The following SEMA5A variants were observed in gnomAD, a reference collection of about 807,000 sequenced individuals.
SEMA5A encodes semaphorin-5A.
A neutral mutation model predicts 135.5 loss-of-function variants in SEMA5A; 55 were observed. That is an observed-to-expected ratio of 0.41 (90% CI 0.33 to 0.51). The LOEUF (loss-of-function observed/expected upper bound fraction) is 0.51. Among genes scored for constraint, SEMA5A ranks in the 20% least tolerant of loss-of-function variants. The pLI, the probability that SEMA5A is intolerant of heterozygous loss-of-function variation, is 0.37. For synonymous variants in SEMA5A, 580 were observed against 546.5 expected, an observed-to-expected ratio of 1.06 and a Z score of -0.85; for missense variants, 1,290 against 1,419.9, an observed-to-expected ratio of 0.91 and a Z score of 1.47.
intron 2 of SEMA5A, among the ~76,000 whole-genome samples, chr5:9,412,399 T>C (rs1270634976): frequency 6.6e-6 from 1 of 151,962 alleles, no homozygotes; most frequent in Non-Finnish European, 1.5e-5. Context: ...TTTCCTTGAT[T>C]GACCTACAAT....
rs190289306 is a variant in SEMA5A, at chr5:9,265,493, G to A, written c.271-27603C>T. On this transcript the variant is annotated intron_variant, in intron 5 of 22. Coordinates refer to ENST00000382496, the MANE Select transcript of SEMA5A (RefSeq NM_003966.3). ...CTGTGATGTTCAACTCTTCTGCCGC[G>A]GGACTCCCATGTGGCTTTGTGTGGT... 1.0e-3 allele frequency: 472 copies of A among 456,286 alleles called. 4 individuals carry two copies. The highest frequency in any genetic ancestry group is 5.6e-4 in the East Asian group (8 of 14,372). The allele number at this position is 456,286 out of a possible 1,614,324, so 28.3% of individuals were successfully genotyped here.
chr5:9,134,101 C>G (rs970480238), intron 13 of SEMA5A, among the ~76,000 whole-genome samples: 3 of 152,266 alleles, frequency 2.0e-5, no homozygotes, highest in East Asian at 1.9e-4. Context: ...TTTCTGAGGC[C>G]TCTTCAGCCA....
intron 6 of SEMA5A, among the ~76,000 whole-genome samples, chr5:9,228,459 C>G (rs1005998216): frequency 6.6e-6 from 1 of 152,300 alleles, no homozygotes; most frequent in Non-Finnish European, 1.5e-5. Context: ...AGCCGAGGAG[C>G]CTGAAACAGG....
intron 1 of SEMA5A, among the ~76,000 whole-genome samples, chr5:9,477,799 G>A (rs1177754156): frequency 6.6e-6 from 1 of 152,186 alleles, no homozygotes. Context: ...ATAAAAGATT[G>A]GAAAATTTGC....
At chr5:9,530,883 T>TGCC (rs1284491275) in intron 1 of SEMA5A, among the ~76,000 whole-genome samples, 2 of 152,144 alleles carry the variant, frequency 1.3e-5, no homozygotes, top group Non-Finnish European at 2.9e-5. Context: ...GGCGAGAATG[T>TGCC]GCCGCCAGTC....
chr5:9,305,836 T>C (rs1751845219), intron 5 of SEMA5A, among the ~76,000 whole-genome samples: 1 of 151,922 alleles, frequency 6.6e-6, no homozygotes, highest in Admixed American at 6.6e-5. Flanking sequence ...GAAATCTTGG[T>C]CCCCTGGTCC....
At chr5:9,283,647 T>C (rs2150569530) in intron 5 of SEMA5A, among the ~76,000 whole-genome samples, 1 of 152,304 alleles carries the variant, frequency 6.6e-6, no homozygotes, top group South Asian at 2.1e-4. Flanking sequence ...ATAGGGTAGG[T>C]CCACCAGGGG....
intron 10 of SEMA5A, among the ~76,000 whole-genome samples, chr5:9,195,105 G>C (rs1353681324): frequency 2.8e-4 from 43 of 152,164 alleles, no homozygotes; most frequent in Non-Finnish European, 2.2e-4. Flanking sequence ...CTGTATTCAA[G>C]AGGAGAAAAT....
chr5:9,043,366 T>G (rs542298115), intron 22 of SEMA5A: 130 of 205,764 alleles, frequency 6.3e-4, no homozygotes, highest in South Asian at 2.9e-3. Context: ...TGAATATATA[T>G]AACTAAATTC....
chr5:9,407,262 A>G (rs1756923144), intron 2 of SEMA5A, among the ~76,000 whole-genome samples: 1 of 152,224 alleles, frequency 6.6e-6, no homozygotes, highest in African/African-American at 2.4e-5. Flanking sequence ...TAAAGAGAGA[A>G]TATCGTGATT....
At chr5:9,457,030 A>AC (rs1335707019) in intron 1 of SEMA5A, among the ~76,000 whole-genome samples, 1 of 152,040 alleles carries the variant, frequency 6.6e-6, no homozygotes, top group Admixed American at 6.6e-5. Context: ...ATACTGTTAT[A>AC]CCCCCTACAC....
At chr5:9,050,321 G>T in intron 21 of SEMA5A, 89 bp downstream of exon 21, 3 of 1,246,420 alleles carry the variant, frequency 2.4e-6, no homozygotes, top group South Asian at 1.6e-5. Flanking sequence ...TTGGCCAAGA[G>T]GCAGAAAAAT....
At chr5:9,480,655 G>A (rs1367692550) in intron 1 of SEMA5A, among the ~76,000 whole-genome samples, 1 of 152,128 alleles carries the variant, frequency 6.6e-6, no homozygotes, top group Non-Finnish European at 1.5e-5. Context: ...AGTTCAAGTG[G>A]TCCTGGAGCC....
At chr5:9,437,052 A>G (rs1009032683) in intron 2 of SEMA5A, among the ~76,000 whole-genome samples, 6 of 152,170 alleles carry the variant, frequency 3.9e-5, no homozygotes, top group Admixed American at 6.5e-5. Flanking sequence ...TGAGAGGTTT[A>G]GGGCTTACCC....
intron 5 of SEMA5A, among the ~76,000 whole-genome samples, chr5:9,277,707 A>T (rs1011901688): frequency 6.6e-6 from 1 of 152,126 alleles, no homozygotes; most frequent in Admixed American, 6.5e-5. Context: ...CAGTAAACTA[A>T]CACAAGAACA....
intron 7 of SEMA5A, 129 bp downstream of exon 7, chr5:9,226,740 G>T: frequency 5.3e-6 from 3 of 569,700 alleles, no homozygotes; most frequent in South Asian, 5.0e-5. Flanking sequence ...TATTCAATTT[G>T]ACAAAAAGTG....
At chr5:9,442,671 T>C (rs1055559536) in intron 1 of SEMA5A, among the ~76,000 whole-genome samples, 5 of 152,172 alleles carry the variant, frequency 3.3e-5, no homozygotes, top group African/African-American at 9.7e-5. Context: ...GAGCAACAAA[T>C]GGCCTATCGC....
intron 21 of SEMA5A, 29 bp downstream of exon 21, chr5:9,050,381 A>G: frequency 1.9e-6 from 3 of 1,590,976 alleles, no homozygotes; most frequent in South Asian, 2.3e-5. Context: ...CAGTACATCC[A>G]TTACAACTAC....
intron 1 of SEMA5A, among the ~76,000 whole-genome samples, chr5:9,465,304 C>T (rs1759216639): frequency 6.6e-6 from 1 of 152,202 alleles, no homozygotes; most frequent in South Asian, 2.1e-4. Flanking sequence ...TAGTGACTTT[C>T]CCAAGGGCTG....
Sources: allele counts gnomAD v4.1 joint callset (sites outside exome capture counted in the v4.1 genomes callset), GRCh38; gene constraint gnomAD v4.1.1; transcripts MANE v1.5; gene names NCBI Gene and HGNC (gene_info 2026-07-23, HGNC 2026-07-21).